Variants in GALNT10 observed in about 807,000 individuals in gnomAD.
The protein encoded by GALNT10 is polypeptide N-acetylgalactosaminyltransferase 10, also known as GalNAc transferase 10.
A neutral mutation model predicts 75.0 loss-of-function variants in GALNT10; 41 were observed. That is an observed-to-expected ratio of 0.55 (90% CI 0.43 to 0.71). GALNT10 has a LOEUF of 0.71. Ranked by LOEUF, GALNT10 falls within the 30% of genes least tolerant of loss-of-function variation. The probability of loss-of-function intolerance (pLI) is 0.00; values close to 1 mark genes in which losing one functional copy is unlikely to be tolerated. For synonymous variants in GALNT10, 302 were observed against 313.0 expected (o/e 0.96, Z 0.37); for missense variants, 727 against 818.5 (o/e 0.89, Z 1.36).
In GALNT10 at chr5:154,416,734, T is replaced by C; in HGVS notation, c.1654-80T>C. 1 of 1,006,862 alleles carries C rather than the reference T, an allele frequency of 9.9e-7. No homozygotes were observed. The highest frequency in any genetic ancestry group is 1.6e-6 in the Non-Finnish European group (1 of 639,396). 62.4% of individuals were successfully genotyped at this position (1,006,862 alleles called of 1,614,324 possible). ...GTCAGTCAGTCACTTCCTCACTTTC[T>C]CATTGCTGGTATTGTTGCTGTGGTT... On this transcript the variant is annotated intron_variant, in intron 11 of 11. Transcript: ENST00000297107. The surrounding 1 kb of genome is among the most constrained non-coding windows in gnomAD (Gnocchi z 4.5).
Position 154,376,807 on chromosome 5 carries a change from TG to T in GALNT10, c.754+350del, listed in dbSNP as rs1397828960. Among the ~76,000 whole-genome samples the T allele has an allele frequency of 6.6e-6, 1 of 152,192 alleles. No individual in the cohort carries two copies. The highest frequency in any genetic ancestry group is 1.5e-5 in the Non-Finnish European group (1 of 68,036). ...CTGTTTGCTGTTAATAGCCAAACTG[TG>T]GGGGACATCATCATATCAACTTAGA... On this transcript the variant is annotated intron_variant, in intron 5 of 11. Coordinates refer to ENST00000297107, the MANE Select transcript of GALNT10 (RefSeq NM_198321.4). This position sits in a 1 kb window ranked among gnomAD's most constrained non-coding sequence, Gnocchi z 4.1.
intron 3 of GALNT10, among the ~76,000 whole-genome samples, chr5:154,300,074 G>A (rs531605655): frequency 2.6e-5 from 4 of 152,224 alleles, no homozygotes; most frequent in South Asian, 4.1e-4. Flanking sequence ...GGACTCAAGT[G>A]ATCTTTCTGC....
intron 1 of GALNT10, among the ~76,000 whole-genome samples, chr5:154,192,674 C>A (rs1259119855): frequency 6.6e-6 from 1 of 152,094 alleles, no homozygotes; most frequent in Non-Finnish European, 1.5e-5. Flanking sequence ...TTTTTTCTGT[C>A]TTGAGTCCAG....
chr5:154,234,621 T>C (rs1434474360), intron 1 of GALNT10, among the ~76,000 whole-genome samples: 1 of 152,244 alleles, frequency 6.6e-6, no homozygotes, highest in Non-Finnish European at 1.5e-5. Flanking sequence ...GTCAAGTAAC[T>C]TGATAGTGGG....
chr5:154,202,005 T>C (rs1017549963), intron 1 of GALNT10, among the ~76,000 whole-genome samples: 2 of 152,070 alleles, frequency 1.3e-5, no homozygotes, highest in South Asian at 2.1e-4. Flanking sequence ...TCCTGGCATG[T>C]CGGGAAACCC....
intron 3 of GALNT10, among the ~76,000 whole-genome samples, chr5:154,321,334 C>T (rs1245018089): frequency 6.6e-6 from 1 of 151,462 alleles, no homozygotes; most frequent in African/African-American, 2.4e-5. Context: ...CCTTGAGACA[C>T]GGTCTCGCTC....
intron 7 of GALNT10, among the ~76,000 whole-genome samples, chr5:154,401,362 T>C (rs1428734332): frequency 6.6e-6 from 1 of 152,220 alleles, no homozygotes; most frequent in Non-Finnish European, 1.5e-5. Context: ...GTGTCCCACC[T>C]GCTCAGGGCC....
intron 4 of GALNT10, among the ~76,000 whole-genome samples, chr5:154,365,192 G>A (rs1755456076): frequency 6.6e-6 from 1 of 152,164 alleles, no homozygotes; most frequent in African/African-American, 2.4e-5. Flanking sequence ...GGAGCTGGCT[G>A]GTGGATGTGA....
chr5:154,344,213 T>C (rs1445981850), intron 4 of GALNT10, among the ~76,000 whole-genome samples: 7 of 134,134 alleles, frequency 5.2e-5, no homozygotes, highest in South Asian at 2.3e-4. Context: ...TTCTTTCTTT[T>C]TTTTTTTTTT....
At chr5:154,360,825 A>G (rs1358758068) in intron 4 of GALNT10, among the ~76,000 whole-genome samples, 1 of 152,202 alleles carries the variant, frequency 6.6e-6, no homozygotes, top group Admixed American at 6.5e-5. Flanking sequence ...GGAGAAAAGA[A>G]AGTGGTTGAT....
intron 7 of GALNT10, chr5:154,393,115 C>T (rs191501736): frequency 1.3e-5 from 2 of 150,850 alleles, no homozygotes; most frequent in East Asian, 3.9e-4. Context: ...CACCGTTGCC[C>T]AGGCTGGAGG....
intron 1 of GALNT10, among the ~76,000 whole-genome samples, chr5:154,241,132 G>A (rs1753329604): frequency 6.6e-6 from 1 of 152,110 alleles, no homozygotes; most frequent in Non-Finnish European, 1.5e-5. Flanking sequence ...TTTGACTGAG[G>A]TTTTTCTGGA....
At chr5:154,301,234 A>G (rs1171345794) in intron 3 of GALNT10, among the ~76,000 whole-genome samples, 1 of 152,170 alleles carries the variant, frequency 6.6e-6, no homozygotes, top group Non-Finnish European at 1.5e-5. Flanking sequence ...TCAGTTGTGA[A>G]TGTAGGCAAC....
intron 1 of GALNT10, among the ~76,000 whole-genome samples, chr5:154,243,690 G>C (rs1174315860): frequency 2.6e-5 from 4 of 152,076 alleles, no homozygotes; most frequent in Admixed American, 6.5e-5. Context: ...CTTTAAATAG[G>C]GTCTGTCACA....
At chr5:154,258,145 C>T (rs1044770839) in intron 1 of GALNT10, among the ~76,000 whole-genome samples, 1 of 152,226 alleles carries the variant, frequency 6.6e-6, no homozygotes, top group Admixed American at 6.5e-5. Flanking sequence ...TGAGATGAAG[C>T]CTGAATTGAT....
At chr5:154,348,206 C>T (rs147653070) in intron 4 of GALNT10, among the ~76,000 whole-genome samples, 233 of 152,356 alleles carry the variant, frequency 1.5e-3, no homozygotes, top group African/African-American at 5.4e-3. Context: ...TGTATATCAT[C>T]AGTCATTTGT....
intron 3 of GALNT10, among the ~76,000 whole-genome samples, chr5:154,311,368 T>C (rs544712569): frequency 6.6e-6 from 1 of 152,346 alleles, no homozygotes; most frequent in Admixed American, 6.5e-5. Flanking sequence ...GTTTACAAAC[T>C]GTTACAACTA....
At chr5:154,306,806 G>C (rs13161502) in intron 3 of GALNT10, among the ~76,000 whole-genome samples, 64,922 of 151,828 alleles carry the variant, frequency 0.43, 14,478 homozygotes, top group African/African-American at 0.5. Context: ...CAACACCTCT[G>C]TCTCAATAAC....
At chr5:154,329,415 A>G (rs1426958526) in intron 3 of GALNT10, 157 bp from the exon 4 acceptor site, 11 of 620,108 alleles carry the variant, frequency 1.8e-5, no homozygotes, top group South Asian at 7.5e-5. Context: ...GATGTCATGT[A>G]GAAGTTCCTG....
Sources: allele counts gnomAD v4.1 joint callset (sites outside exome capture counted in the v4.1 genomes callset), GRCh38; gene constraint gnomAD v4.1.1; non-coding constraint Gnocchi (gnomAD v3.1); transcripts MANE v1.5; gene names NCBI Gene and HGNC (gene_info 2026-07-23, HGNC 2026-07-21).